The following LTBP2 variants were observed in gnomAD, a reference collection of about 807,000 sequenced individuals.
LTBP2 encodes latent-transforming growth factor beta-binding protein 2.
In LTBP2, 103 loss-of-function variants were observed where a neutral mutation model predicts 210.6. That is an observed-to-expected ratio of 0.49 (90% confidence interval 0.42 to 0.58). The LOEUF (loss-of-function observed/expected upper bound fraction) is 0.58, where lower values mean the gene tolerates loss of function less well. Ranked by LOEUF, LTBP2 falls within the 20% of genes least tolerant of loss-of-function variation. The probability of loss-of-function intolerance (pLI) is 0.00; values close to 1 mark genes in which losing one functional copy is unlikely to be tolerated. For missense variants in LTBP2, 2,313 were observed against 2,494.5 expected, an observed-to-expected ratio of 0.93 and a Z score of 1.55; for synonymous variants, 1,007 against 1,015.0, an observed-to-expected ratio of 0.99 and a Z score of 0.15.
Position 74,509,283 on chromosome 14 carries a change from A to C in LTBP2, c.3358T>G (p.Cys1120Gly). 6.2e-7 allele frequency: 1 copy of C among 1,613,632 alleles called. No individual in the cohort carries two copies. The highest frequency in any genetic ancestry group is 8.5e-7 in the Non-Finnish European group (1 of 1,179,984). The change falls in exon 22 of 36, where the codon TGC becomes GGC. Residue 1120 changes from cysteine (C) to glycine (G), a missense_variant. This residue lies in a region of LTBP2 where 1,867 missense variants were observed against 1,976.9 expected (regional missense o/e 0.94). Coordinates refer to ENST00000261978, the MANE Select transcript of LTBP2 (RefSeq NM_000428.3). Reference sequence around the variant, plus strand: ...GGGCTGGGCCGGTAGCCCCCATCGCAGTCCTTGCAGGAGAAGGAGCCAGCC... The same window carrying C: ...GGGCTGGGCCGGTAGCCCCCATCGCCGTCCTTGCAGGAGAAGGAGCCAGCC... ...NTAGSFSCKD[C>G]DGGYRPSPLG...
At chr14:74,544,805 T>C (rs906596127) in intron 8 of LTBP2, among the ~76,000 whole-genome samples, 1 of 152,218 alleles carries the variant, frequency 6.6e-6, no homozygotes, top group African/African-American at 2.4e-5. Context: ...TGGAGCCCAC[T>C]ACTTTTAGGC....
At chr14:74,524,464 G>C (rs1248141741) in intron 15 of LTBP2, among the ~76,000 whole-genome samples, 1 of 152,028 alleles carries the variant, frequency 6.6e-6, no homozygotes, top group African/African-American at 2.4e-5. Flanking sequence ...AAGAGAGCAG[G>C]AGCCCCAGGA....
intron 2 of LTBP2, among the ~76,000 whole-genome samples, chr14:74,598,672 C>A (rs954235826): frequency 9.9e-5 from 15 of 152,260 alleles, no homozygotes; most frequent in African/African-American, 3.6e-4. Context: ...CAATGTTGAT[C>A]CCAGTTTACA....
chr14:74,502,678 C>A lies in LTBP2; in HGVS notation c.5145G>T (p.Gln1715His). 3.7e-6 allele frequency: 6 copies of A among 1,614,116 alleles called. No individual in the cohort carries two copies. Among genetic ancestry groups the A allele is most frequent in the Non-Finnish European group, 5.1e-6 (6 of 1,180,016 alleles). Residue 1715 changes from glutamine to histidine, a missense_variant, in exon 34 of 36, where the codon CAG becomes CAT. Physicochemically the swap from Gln to His is conservative, Grantham distance 24. Around this residue, in one of 3 missense-constraint regions of LTBP2, gnomAD observed 443 missense variants for 501.4 expected, o/e 0.88. Coordinates refer to ENST00000261978, the MANE Select transcript of LTBP2 (RefSeq NM_000428.3). ...CTGGATGGCTGGCCACGTAGTGGGG[C>A]TGGAGTTCTGAGGGCTGCAAAGGAG... is the stretch of plus-strand genomic sequence containing the variant. ...LESPLQPSEL[Q>H]PHYVASHPEP...
At chr14:74,604,577 A>C (rs1249621711) in intron 1 of LTBP2, among the ~76,000 whole-genome samples, 3 of 146,258 alleles carry the variant, frequency 2.1e-5, no homozygotes, top group Admixed American at 6.9e-5. Context: ...TTTGAGTCTC[A>C]CTATATCGCC....
At chr14:74,537,765 T>A (rs1446943843) in intron 8 of LTBP2, among the ~76,000 whole-genome samples, 1 of 152,076 alleles carries the variant, frequency 6.6e-6, no homozygotes, top group Non-Finnish European at 1.5e-5. Flanking sequence ...CTTCTTCTTC[T>A]TTTTTTTGAG....
At chr14:74,597,583 G>A (rs1227347666) in intron 2 of LTBP2, among the ~76,000 whole-genome samples, 1 of 152,208 alleles carries the variant, frequency 6.6e-6, no homozygotes, top group Non-Finnish European at 1.5e-5. Context: ...CCTGGCTTCA[G>A]GAAGCTCCCA....
chr14:74,605,144 G>A (rs2095268919), intron 1 of LTBP2, among the ~76,000 whole-genome samples: 3 of 152,234 alleles, frequency 2.0e-5, no homozygotes, highest in Non-Finnish European at 1.5e-5. Context: ...AGAGCAGGGC[G>A]GCCACTCCTG....
intron 11 of LTBP2, 98 bp downstream of exon 11, chr14:74,528,860 A>C: frequency 1.9e-6 from 3 of 1,547,410 alleles, no homozygotes; most frequent in South Asian, 1.2e-5. Context: ...AGGCTACTTC[A>C]GTCTTCCAGA....
At chr14:74,544,883 G>A (rs61051522) in intron 8 of LTBP2, among the ~76,000 whole-genome samples, 32 of 152,094 alleles carry the variant, frequency 2.1e-4, no homozygotes, top group Admixed American at 1.5e-3. Flanking sequence ...GTTTCAAGTC[G>A]AGCTCTGGTT....
chr14:74,522,191 T>C, intron 16 of LTBP2, 152 bp from the exon 17 acceptor site: 3 of 964,236 alleles, frequency 3.1e-6, no homozygotes, highest in Non-Finnish European at 3.1e-6. Flanking sequence ...TGAAAATCTC[T>C]AAGGCTGGAA....
intron 3 of LTBP2, among the ~76,000 whole-genome samples, chr14:74,578,500 C>T (rs1320071315): frequency 6.6e-6 from 1 of 152,142 alleles, no homozygotes; most frequent in Non-Finnish European, 1.5e-5. Context: ...CCCGGGCTCC[C>T]CTGACACACA....
At chr14:74,603,355 G>A (rs958712738) in intron 2 of LTBP2, among the ~76,000 whole-genome samples, 15 of 152,102 alleles carry the variant, frequency 9.9e-5, no homozygotes, top group African/African-American at 2.7e-4. Flanking sequence ...TCCAACTCTC[G>A]ACCTCAAGTG....
At chr14:74,567,386 G>GGGTAAGAGAGCCA (rs2087918887) in intron 3 of LTBP2, among the ~76,000 whole-genome samples, 1 of 152,200 alleles carries the variant, frequency 6.6e-6, no homozygotes, top group African/African-American at 2.4e-5. Context: ...CCTCCTGGCA[G>GGGTAAGAGAGCCA]GGTAAGAGAG....
intron 1 of LTBP2, among the ~76,000 whole-genome samples, chr14:74,609,141 A>T (rs554620131): frequency 2.0e-4 from 30 of 152,350 alleles, no homozygotes; most frequent in African/African-American, 6.5e-4. Flanking sequence ...AGAAGCCATT[A>T]GCCAGAATGG....
intron 3 of LTBP2, among the ~76,000 whole-genome samples, chr14:74,565,652 G>A (rs2087893096): frequency 6.6e-6 from 1 of 152,194 alleles, no homozygotes. Flanking sequence ...GAAACACCCA[G>A]GAGGCAGAAC....
At chr14:74,564,125 TTATATATATATTTATA>T (rs2087844093) in intron 3 of LTBP2, among the ~76,000 whole-genome samples, 3 of 16,158 alleles carry the variant, frequency 1.9e-4, no homozygotes, top group African/African-American at 7.4e-4. Flanking sequence ...ATATATATAT[TTATATATATATTTATA>T]TATATATATT....
At position 74,537,498 on chromosome 14, in the gene LTBP2, C is replaced by G. The variant is rs894947711; in HGVS notation, c.1790-1498G>C. Among the ~76,000 whole-genome samples the G allele has an allele frequency of 2.0e-5, 3 of 152,216 alleles. No homozygotes were observed. In the East Asian group the frequency reaches 5.8e-4, roughly 29 times the overall value. On this transcript the variant is annotated intron_variant, in intron 8 of 35. Transcript: ENST00000261978. ...CTCTATAAAGGTAGCTGCATGATGG[C>G]TTCCTGTAGCAATTTGCCGTCTTCT...
intron 3 of LTBP2, among the ~76,000 whole-genome samples, chr14:74,573,434 T>G (rs1291677459): frequency 1.3e-5 from 2 of 152,204 alleles, no homozygotes. Flanking sequence ...TGGGGAACTG[T>G]GGCAGGAGGT....
Sources: allele counts gnomAD v4.1 joint callset (sites outside exome capture counted in the v4.1 genomes callset), GRCh38; gene constraint gnomAD v4.1.1; regional missense constraint gnomAD v4.1.1; transcripts MANE v1.5; gene names NCBI Gene and HGNC (gene_info 2026-07-23, HGNC 2026-07-21).